MACROD2: variants seen among roughly 807,000 people sequenced by gnomAD.
The protein encoded by MACROD2 is mono-ADP ribosylhydrolase 2.
MACROD2 carries 36 observed loss-of-function variants against 70.4 expected under a neutral mutation model. The observed-to-expected ratio is 0.51, with a 90% confidence interval of 0.39 to 0.68. The LOEUF is 0.68. Ranked by LOEUF, MACROD2 falls within the 30% of genes least tolerant of loss-of-function variation. The probability of loss-of-function intolerance (pLI) is 0.00; values close to 1 mark genes in which losing one functional copy is unlikely to be tolerated. For synonymous variants in MACROD2, 172 were observed against 178.8 expected (o/e 0.96, Z 0.30); for missense variants, 496 against 538.4 (o/e 0.92, Z 0.78).
intron 8 of MACROD2, among the ~76,000 whole-genome samples, chr20:15,685,193 G>A (rs759287722): frequency 1.4e-4 from 22 of 152,202 alleles, no homozygotes; most frequent in Non-Finnish European, 2.9e-4. Context: ...GGGGTTGCAT[G>A]GGATCCATCA....
chr20:15,521,438 G>C (rs1318216105), intron 8 of MACROD2, among the ~76,000 whole-genome samples: 3 of 152,202 alleles, frequency 2.0e-5, no homozygotes, highest in Non-Finnish European at 4.4e-5. Context: ...CCTTTACAAT[G>C]AAGTTGTTTT....
rs1233398231 is a variant in MACROD2 at position 13,995,655 on chromosome 20, A to G, written c.-109A>G. ...CAGCGCAGGACGCAGAGCCTCTTTC[A>G]CTTTTTCCCTGCTGAGTGCCCCCTC... On this transcript the variant is annotated 5_prime_UTR_variant, in exon 1 of 18. Transcript: ENST00000684519. This position sits in a 1 kb window ranked among gnomAD's most constrained non-coding sequence, Gnocchi z 4.3. The G allele has an allele frequency of 1.0e-6, 1 of 961,324 alleles. No individual in the cohort carries two copies. Among genetic ancestry groups the G allele is most frequent in the Non-Finnish European group, 1.7e-6 (1 of 597,862 alleles). The allele number at this position is 961,324 out of a possible 1,614,324, so 59.5% of individuals were successfully genotyped here.
chr20:15,681,815 A>G (rs149004601), intron 8 of MACROD2, among the ~76,000 whole-genome samples: 1 of 152,330 alleles, frequency 6.6e-6, no homozygotes, highest in Non-Finnish European at 1.5e-5. Flanking sequence ...ATGGAGTTAC[A>G]AGGACTCCTG....
chr20:14,981,049 T>TGTGTGTGTGTGTGTGC (rs2074793209), intron 5 of MACROD2, among the ~76,000 whole-genome samples: 1 of 151,540 alleles, frequency 6.6e-6, no homozygotes, highest in African/African-American at 2.4e-5. Context: ...TGTGTGTGTG[T>TGTGTGTGTGTGTGTGC]GTGCATGTGT....
At chr20:15,635,871 C>T (rs926334329) in intron 8 of MACROD2, among the ~76,000 whole-genome samples, 23 of 151,636 alleles carry the variant, frequency 1.5e-4, no homozygotes, top group Non-Finnish European at 3.2e-4. Flanking sequence ...AGTTTGAGAC[C>T]AGCCTGGCCA....
At chr20:15,590,228 G>T (rs16996069) in intron 8 of MACROD2, among the ~76,000 whole-genome samples, 3 of 152,114 alleles carry the variant, frequency 2.0e-5, no homozygotes, top group Admixed American at 6.5e-5. Flanking sequence ...CTCACTATAC[G>T]CCAGGTAGCA....
intron 3 of MACROD2, among the ~76,000 whole-genome samples, chr20:14,344,144 G>A (rs1392811436): frequency 6.6e-6 from 1 of 152,158 alleles, no homozygotes; most frequent in African/African-American, 2.4e-5. Flanking sequence ...TTAAGGTAGA[G>A]TCAAAGACTG....
rs561522594 is a variant in MACROD2 at position 14,767,852 on chromosome 20, A to G, written c.418+82893A>G. The stretch of plus-strand genomic sequence containing the variant: ...TCCCCTCCCTGTGTCCATGTGTTCT[A>G]TTGTTCAACTCCCACTTATAAGTGA... On this transcript the variant is annotated intron_variant, in intron 5 of 17. Transcript: ENST00000684519. Among the ~76,000 whole-genome samples the G allele has an allele frequency of 8.6e-5, 13 of 151,508 alleles. No individual in the cohort carries two copies. In the East Asian group the frequency reaches 1.2e-3, roughly 14 times the overall value.
chr20:15,376,988 T>TCTCCTGCCTC (rs2045571544), intron 6 of MACROD2, among the ~76,000 whole-genome samples: 1 of 152,150 alleles, frequency 6.6e-6, no homozygotes, highest in Non-Finnish European at 1.5e-5. Flanking sequence ...CCTCCTGGGT[T>TCTCCTGCCTC]CACATCATTC....
intron 5 of MACROD2, among the ~76,000 whole-genome samples, chr20:14,861,895 G>C (rs1393794394): frequency 5.1e-5 from 7 of 136,634 alleles, no homozygotes; most frequent in Non-Finnish European, 1.1e-4. Context: ...CATACTTATG[G>C]TATTATGCTC....
At chr20:14,410,433 T>C (rs1397553342) in intron 3 of MACROD2, among the ~76,000 whole-genome samples, 2 of 152,060 alleles carry the variant, frequency 1.3e-5, no homozygotes, top group African/African-American at 4.8e-5. Flanking sequence ...TCTTTCTATG[T>C]GTACTCAATG....
At chr20:14,055,175 A>G (rs2148651641) in intron 2 of MACROD2, among the ~76,000 whole-genome samples, 1 of 152,330 alleles carries the variant, frequency 6.6e-6, no homozygotes, top group East Asian at 1.9e-4. Flanking sequence ...GTTAAGAAAG[A>G]AAAACATGCG....
Position 14,683,033 on chromosome 20 carries a change from C to T in MACROD2, c.302-1810C>T, listed in dbSNP as rs574911874. Among the ~76,000 whole-genome samples the T allele has an allele frequency of 2.6e-5, 4 of 152,188 alleles. No homozygotes were observed. In the South Asian group the frequency reaches 8.3e-4, roughly 32 times the overall value. ...TAGCCAGGATTACAGGCATGCACCA[C>T]CACACCCGGCTAATTTTGTATTTTT... On this transcript the variant is annotated intron_variant, in intron 4 of 17. Transcript: ENST00000684519.
intron 8 of MACROD2, among the ~76,000 whole-genome samples, chr20:15,819,223 A>C (rs1404428130): frequency 1.4e-5 from 2 of 145,846 alleles, no homozygotes. Context: ...ATAAAAATAT[A>C]TATATTTATA....
At chr20:13,999,930 C>T (rs761828625) in intron 1 of MACROD2, among the ~76,000 whole-genome samples, 17 of 152,304 alleles carry the variant, frequency 1.1e-4, no homozygotes, top group East Asian at 3.9e-4. Context: ...AGGAGAATCG[C>T]TTGAACCCAG....
rs190751226 is a variant in MACROD2, at chr20:15,597,634, T to C, written c.645+97787T>C. ...GATGATGGCATGGGGTTGAGGCCTT[T>C]GAAGAATCAACAAAAATGCTTCATA... On this transcript the variant is annotated intron_variant, in intron 8 of 17. Coordinates refer to ENST00000684519, the MANE Select transcript of MACROD2 (RefSeq NM_001351661.2). Among the ~76,000 whole-genome samples the C allele has an allele frequency of 1.1e-4, 17 of 152,308 alleles. No individual in the cohort carries two copies. In the East Asian group the frequency reaches 1.7e-3, roughly 16 times the overall value.
intron 15 of MACROD2, among the ~76,000 whole-genome samples, chr20:16,001,838 G>A (rs1050165567): frequency 1.3e-5 from 2 of 151,736 alleles, no homozygotes; most frequent in Admixed American, 1.3e-4. Flanking sequence ...ATTAAGATAT[G>A]GTCATATAAT....
intron 5 of MACROD2, among the ~76,000 whole-genome samples, chr20:14,813,185 TA>T (rs1266427336): frequency 6.6e-6 from 1 of 152,022 alleles, no homozygotes; most frequent in African/African-American, 2.4e-5. Context: ...TTCTTTTTTT[TA>T]AATTTTATTT....
At chr20:15,323,580 G>A (rs1323462168) in intron 6 of MACROD2, among the ~76,000 whole-genome samples, 1 of 152,132 alleles carries the variant, frequency 6.6e-6, no homozygotes, top group Non-Finnish European at 1.5e-5. Flanking sequence ...GGTGAATGAT[G>A]AACCATTTAG....
Sources: gnomAD v4.1 joint callset for allele counts (sites outside exome capture counted in the v4.1 genomes callset) on GRCh38, gnomAD v4.1.1 for gene constraint, Gnocchi (gnomAD v3.1) non-coding constraint, MANE v1.5 for transcripts, NCBI Gene and HGNC (gene_info 2026-07-23, HGNC 2026-07-21) for gene names.